Variants in IFI44 observed in about 807,000 individuals in gnomAD.
IFI44 encodes interferon induced protein 44, also known as interferon-induced protein 44.
In IFI44, 42 loss-of-function variants were observed where a neutral mutation model predicts 45.0. The ratio of observed to expected loss-of-function variants is 0.93; its 90% CI spans 0.73 to 1.21. The LOEUF (loss-of-function observed/expected upper bound fraction) is 1.21. Among genes scored for constraint, IFI44 ranks in the 50% most tolerant of loss-of-function variants. IFI44 has a pLI of 0.00. For synonymous variants in IFI44, 221 were observed against 188.6 expected (o/e 1.17, Z -1.41); for missense variants, 623 against 525.8 (o/e 1.18, Z -1.81).
rs371905481 is a variant in IFI44 at position 78,660,559 on chromosome 1, G to T, written c.1018G>T (p.Val340Leu). The change falls in exon 7 of 9, where the codon GTA (valine) becomes TTA (leucine). Residue 340 changes from valine to leucine, a missense_variant. Physicochemically the swap from Val to Leu is conservative, Grantham distance 32 (BLOSUM62 1). Coordinates refer to ENST00000370747, the MANE Select transcript of IFI44 (RefSeq NM_006417.5). ...AAAAATTCTGTTTGGCATAGGTGTG[G>T]TACATGTGGCTTTGCTCACTCATGT... ...IRRELVNAGV[V>L]HVALLTHVDS... 2 of 1,611,078 alleles carry T rather than the reference G, an allele frequency of 1.2e-6. No individual in the cohort carries two copies. The highest frequency in any genetic ancestry group is 1.7e-6 in the Non-Finnish European group (2 of 1,177,536).
chr1:78,658,719 T>C (rs1219848328), intron 5 of IFI44, among the ~76,000 whole-genome samples: 1 of 152,192 alleles, frequency 6.6e-6, no homozygotes, highest in Non-Finnish European at 1.5e-5. Context: ...ACAAAGTACA[T>C]ATAAATTTGC....
chr1:78,663,689 G>T, intron 8 of IFI44, 76 bp from the exon 9 acceptor site: 1 of 1,569,772 alleles, frequency 6.4e-7, no homozygotes. Flanking sequence ...GATTTTCAGT[G>T]GTCCAATATT....
chr1:78,657,920 T>C (rs900649459), intron 5 of IFI44, among the ~76,000 whole-genome samples: 2 of 152,100 alleles, frequency 1.3e-5, no homozygotes, highest in Non-Finnish European at 2.9e-5. Context: ...GACATGAACC[T>C]AAAAGTCTTT....
rs148339239 is a variant in IFI44 at position 78,663,288 on chromosome 1, C to T, written c.1288+410C>T. 7.1e-6 allele frequency: 7 copies of T among 985,232 alleles called. No individual in the cohort carries two copies. In the East Asian group the frequency reaches 4.5e-4, roughly 64 times the overall value. The allele number at this position is 985,232 out of a possible 1,614,324, so 61.0% of individuals were successfully genotyped here. A position where few individuals can be genotyped will look rare whatever the true frequency, so the allele number is the denominator to read the frequency against. ...TTTGCCCCTTCCTTAGGACCTTACA[C>T]TCCTGTCTTTCTTTGACTTGCCTTT... On this transcript the variant is annotated intron_variant, in intron 8 of 8. Transcript: ENST00000370747.
intron 3 of IFI44, 123 bp from the exon 4 acceptor site, chr1:78,654,891 A>C (rs546921484): frequency 1.4e-6 from 1 of 734,990 alleles, no homozygotes; most frequent in East Asian, 3.0e-5. Flanking sequence ...CATGTCTTTC[A>C]TGTAAGAAGT....
chr1:78,659,583 T>C (rs1647339347), intron 6 of IFI44, 100 bp downstream of exon 6: 1 of 876,454 alleles, frequency 1.1e-6, no homozygotes, highest in Non-Finnish European at 1.7e-6. Context: ...ACTTAAGTCA[T>C]TGCATATTTC....
intron 5 of IFI44, 42 bp downstream of exon 5, chr1:78,655,553 T>C (rs373362150): frequency 7.2e-6 from 11 of 1,520,044 alleles, no homozygotes; most frequent in Non-Finnish European, 9.9e-6. Flanking sequence ...ATTTTTAAAA[T>C]GCTTATTTTT....
intron 7 of IFI44, among the ~76,000 whole-genome samples, chr1:78,661,439 A>G (rs1350003004): frequency 1.2e-4 from 18 of 152,152 alleles, no homozygotes; most frequent in South Asian, 6.2e-4. Context: ...CTAACTGTCT[A>G]TCTTTACACT....
chr1:78,650,844 C>G (rs1014946771), intron 2 of IFI44, among the ~76,000 whole-genome samples, 192 bp downstream of exon 2: 1 of 152,104 alleles, frequency 6.6e-6, no homozygotes, highest in African/African-American at 2.4e-5. Context: ...TGATAAGAAC[C>G]CTTAACGTAA....
chr1:78,663,570 C>T (rs1647594437), intron 8 of IFI44, 195 bp from the exon 9 acceptor site: 2 of 985,324 alleles, frequency 2.0e-6, no homozygotes, highest in African/African-American at 3.5e-5. Context: ...ACTCAAATTG[C>T]TGGGAAACTC....
At chr1:78,649,936 A>C in intron 1 of IFI44, 31 bp downstream of exon 1, 13 of 292,972 alleles carry the variant, frequency 4.4e-5, no homozygotes, top group East Asian at 2.6e-4. Context: ...CATTTTTCCT[A>C]GCTAGCATTA....
chr1:78,659,428 C>T lies in IFI44; in HGVS notation c.957C>T (p.Phe319=). 6.2e-7 allele frequency: 1 copy of T among 1,613,472 alleles called. No individual in the cohort carries two copies. The highest frequency in any genetic ancestry group is 8.5e-7 in the Non-Finnish European group (1 of 1,179,592). Residue 319 remains phenylalanine (F), a synonymous_variant, in exon 6 of 9, where the codon TTC becomes TTT. Coordinates refer to ENST00000370747, the MANE Select transcript of IFI44 (RefSeq NM_006417.5). ...FVFDASSIQY[F]SSQMIVKIKR... is the part of the protein sequence containing the mutation. ...TTGATGCCAGCTCTATTCAATACTT[C>T]TCCTCTCAGATGATAGTAAAGATCA... is the stretch of plus-strand genomic sequence containing the variant.
rs371246499 is a variant in IFI44 at position 78,663,855 on chromosome 1, T to C, written c.*44T>C. 4.8e-5 allele frequency: 76 copies of C among 1,582,216 alleles called. No individual in the cohort carries two copies. In the African/African-American group the frequency reaches 8.8e-4, roughly 18 times the overall value. ...TAAATTTCCTCACATCACAGAAGATTAAAATTCAGAAAGGAGAAAACACAG... is the reference window on the plus strand; with the variant it reads ...TAAATTTCCTCACATCACAGAAGATCAAAATTCAGAAAGGAGAAAACACAG... On this transcript the variant is annotated 3_prime_UTR_variant, in exon 9 of 9. Coordinates refer to ENST00000370747, the MANE Select transcript of IFI44 (RefSeq NM_006417.5).
intron 6 of IFI44, 90 bp from the exon 7 acceptor site, chr1:78,660,464 C>T (rs1557705404): frequency 7.4e-6 from 7 of 943,280 alleles, no homozygotes; most frequent in Non-Finnish European, 1.2e-5. Flanking sequence ...TGAAATTGTT[C>T]CATAGGTTGC....
intron 7 of IFI44, among the ~76,000 whole-genome samples, chr1:78,661,906 A>G (rs1357080736): frequency 6.6e-6 from 1 of 152,156 alleles, no homozygotes; most frequent in African/African-American, 2.4e-5. Context: ...TGTGGAGTTC[A>G]GGTTAGTGAA....
At position 78,662,891 on chromosome 1, in the gene IFI44, G is replaced by C; in HGVS notation, c.1288+13G>C. On this transcript the variant is annotated intron_variant, in intron 8 of 8. Coordinates refer to ENST00000370747, the MANE Select transcript of IFI44 (RefSeq NM_006417.5). ...TTTGAGCAAATAGGTAGATGGTTTGGTGGTGTGGAAGCTTGGAAGCGGTCA... is the reference window on the plus strand; with the variant it reads ...TTTGAGCAAATAGGTAGATGGTTTGCTGGTGTGGAAGCTTGGAAGCGGTCA... The C allele has an allele frequency of 1.2e-6, 2 of 1,613,376 alleles. No homozygotes were observed. The highest frequency in any genetic ancestry group is 1.7e-6 in the Non-Finnish European group (2 of 1,179,588).
At chr1:78,658,041 A>G (rs531465437) in intron 5 of IFI44, among the ~76,000 whole-genome samples, 19 of 152,190 alleles carry the variant, frequency 1.2e-4, no homozygotes, top group African/African-American at 4.6e-4. Context: ...TTGTTTCTTG[A>G]CTTTCTCAGT....
chr1:78,654,389 G>A (rs555714763), intron 3 of IFI44, 110 bp downstream of exon 3: 2 of 608,706 alleles, frequency 3.3e-6, no homozygotes, highest in East Asian at 5.9e-5. Context: ...ATAACTTGTG[G>A]ATCATCAAGA....
intron 7 of IFI44, 106 bp downstream of exon 7, chr1:78,660,760 A>G (rs1342543325): frequency 6.4e-6 from 5 of 775,382 alleles, no homozygotes; most frequent in African/African-American, 1.7e-5. Context: ...TTTAAGAAGA[A>G]TTACAAAATT....
Sources: gnomAD v4.1 joint callset for allele counts (sites outside exome capture counted in the v4.1 genomes callset) on GRCh38, gnomAD v4.1.1 for gene constraint, MANE v1.5 for transcripts, NCBI Gene and HGNC (gene_info 2026-07-23, HGNC 2026-07-21) for gene names.